The following FRMPD4 variants were observed in gnomAD, a reference collection of about 807,000 sequenced individuals.
FRMPD4 encodes the protein FERM and PDZ domain-containing protein 4.
In FRMPD4, 22 loss-of-function variants were observed where a neutral mutation model predicts 94.1. The observed-to-expected ratio is 0.23, with a 90% CI of 0.17 to 0.33. FRMPD4 has a LOEUF of 0.33. FRMPD4 is among the 10% of genes least tolerant of loss of function. The probability of loss-of-function intolerance (pLI) is 1.00; values close to 1 mark genes in which losing one functional copy is unlikely to be tolerated. For synonymous variants in FRMPD4, 631 were observed against 548.6 expected (o/e 1.15, Z -2.10); for missense variants, 1,111 against 1,339.9 (o/e 0.83, Z 2.67).
intron 1 of FRMPD4, among the ~76,000 whole-genome samples, chrX:12,192,839 C>T (rs2056506942): frequency 9.0e-6 from 1 of 111,457 alleles, no homozygotes; most frequent in Admixed American, 9.5e-5. Flanking sequence ...TGCTGCTGAT[C>T]CAGGGACCAC....
chrX:12,153,216 G>A (rs1245121631), intron 1 of FRMPD4, among the ~76,000 whole-genome samples: 2 of 111,524 alleles, frequency 1.8e-5, no homozygotes, highest in East Asian at 2.8e-4. Context: ...GATTACAGGC[G>A]TGAGCCACCG....
At chrX:12,558,235 T>A (rs1374797749) in intron 2 of FRMPD4, among the ~76,000 whole-genome samples, 1 of 112,920 alleles carries the variant, frequency 8.9e-6, no homozygotes, top group Non-Finnish European at 1.9e-5. Context: ...GTGTTTCATT[T>A]GATCCTCACA....
chrX:12,444,289 A>C (rs975174763), intron 1 of FRMPD4, among the ~76,000 whole-genome samples: 5 of 112,001 alleles, frequency 4.5e-5, no homozygotes, highest in African/African-American at 1.6e-4. Flanking sequence ...GCCTGACCAA[A>C]AACATAATTA....
chrX:11,947,860 G>A (rs2106656), intron 3 of FRMPD4, among the ~76,000 whole-genome samples: 4,318 of 110,805 alleles, frequency 0.039, 232 homozygotes, highest in African/African-American at 0.13. Context: ...GCTGAGGCAG[G>A]AGGATCACCT....
chrX:12,208,344 C>T (rs958600542), intron 1 of FRMPD4, among the ~76,000 whole-genome samples: 5 of 110,065 alleles, frequency 4.5e-5, no homozygotes, highest in African/African-American at 1.7e-4. Context: ...CACATGTCAT[C>T]CAGATTTTGG....
chrX:11,871,539 C>A lies in FRMPD4; in HGVS notation c.-30+6323C>A, dbSNP rs2053756719. Among the ~76,000 whole-genome samples, 3 of 112,404 alleles carry A rather than the reference C, an allele frequency of 2.7e-5. No individual in the cohort carries two copies. In the South Asian group the frequency reaches 1.1e-3, roughly 41 times the overall value. ...ATAAGTATATCCTATTCCAAATATT[C>A]GATGAGATGTACTAACAAAATTCAT... On this transcript the variant is annotated intron_variant, in intron 2 of 18. Transcript: ENST00000640291.
intron 1 of FRMPD4, among the ~76,000 whole-genome samples, chrX:12,410,529 G>C (rs1183168887): frequency 9.1e-6 from 1 of 109,810 alleles, no homozygotes; most frequent in African/African-American, 3.3e-5. Flanking sequence ...TTTTATTATG[G>C]AGTCATAAAA....
chrX:12,680,874 G>C (rs1419228996), intron 5 of FRMPD4, among the ~76,000 whole-genome samples: 1 of 110,316 alleles, frequency 9.1e-6, no homozygotes, highest in Non-Finnish European at 1.9e-5. Context: ...GGCCTCAGCA[G>C]GGCTAGTAAA....
intron 1 of FRMPD4, among the ~76,000 whole-genome samples, chrX:12,333,991 G>A (rs768733344): frequency 9.0e-6 from 1 of 111,722 alleles, no homozygotes; most frequent in South Asian, 3.8e-4. Context: ...TGTGTGTAAG[G>A]TGCAATGAAA....
intron 1 of FRMPD4, among the ~76,000 whole-genome samples, chrX:12,404,422 A>G (rs1037155677): frequency 3.6e-5 from 4 of 112,376 alleles, no homozygotes; most frequent in African/African-American, 1.3e-4. Context: ...CATGTTGAAG[A>G]AGTCATGTCT....
intron 1 of FRMPD4, among the ~76,000 whole-genome samples, chrX:11,859,821 T>C (rs2053675438): frequency 8.9e-6 from 1 of 112,087 alleles, no homozygotes; most frequent in Admixed American, 9.5e-5. Context: ...TACTTATAAT[T>C]CTTGTCCCCA....
At chrX:12,136,890 A>AACACACACACACAC (rs376427153), upstream of FRMPD4, among the ~76,000 whole-genome samples, 7 of 97,608 alleles carry the variant, frequency 7.2e-5, no homozygotes, top group African/African-American at 2.6e-4. Context: ...TCTACGTTAA[A>AACACACACACACAC]ACACACACAC....
chrX:12,624,717 G>A (rs759156984), intron 4 of FRMPD4, among the ~76,000 whole-genome samples: 1 of 111,335 alleles, frequency 9.0e-6, no homozygotes, highest in South Asian at 3.8e-4. Context: ...TGTATAATAG[G>A]AATCGCAGAA....
chrX:12,317,334 G>T (rs1396217588), intron 1 of FRMPD4, among the ~76,000 whole-genome samples: 1 of 110,750 alleles, frequency 9.0e-6, no homozygotes, highest in South Asian at 3.8e-4. Context: ...ACTACTAGAA[G>T]AAAACATTCA....
At chrX:12,483,973 C>T (rs867710837) in intron 1 of FRMPD4, among the ~76,000 whole-genome samples, 3 of 111,070 alleles carry the variant, frequency 2.7e-5, no homozygotes, top group Non-Finnish European at 3.8e-5. Context: ...AGGACGTGTA[C>T]GGGCTTACGG....
chrX:12,341,509 A>G, intron 1 of FRMPD4: 2 of 253,543 alleles, frequency 7.9e-6, no homozygotes, highest in South Asian at 8.9e-5. Context: ...TTATTAACAT[A>G]CACCATTTAC....
chrX:12,616,028 A>G (rs1412165396), intron 4 of FRMPD4, among the ~76,000 whole-genome samples: 1 of 111,032 alleles, frequency 9.0e-6, no homozygotes, highest in African/African-American at 3.3e-5. Context: ...ACTTAAGAGT[A>G]AGCAACCATC....
At chrX:11,852,928 T>C (rs1275105441) in intron 1 of FRMPD4, among the ~76,000 whole-genome samples, 2 of 112,048 alleles carry the variant, frequency 1.8e-5, no homozygotes, top group East Asian at 5.6e-4. Flanking sequence ...CAGAACTCTG[T>C]ACCCTCAAAC....
chrX:12,662,422 A>G (rs989935293), intron 4 of FRMPD4, among the ~76,000 whole-genome samples: 2 of 109,178 alleles, frequency 1.8e-5, no homozygotes, highest in East Asian at 2.9e-4. Context: ...TCATTGTTCA[A>G]CTCCCACTTA....
Sources: gnomAD v4.1 joint callset for allele counts (sites outside exome capture counted in the v4.1 genomes callset) on GRCh38, gnomAD v4.1.1 for gene constraint, MANE v1.5 for transcripts, NCBI Gene and HGNC (gene_info 2026-07-23, HGNC 2026-07-21) for gene names.